The following ASB15 variants were observed in gnomAD, a reference collection of about 807,000 sequenced individuals.
ASB15 encodes the protein ankyrin repeat and SOCS box protein 15.
Under a neutral mutation model 58.0 loss-of-function variants are expected in ASB15, and 54 were observed. That is an observed-to-expected ratio of 0.93 (90% CI 0.75 to 1.17). ASB15 has a LOEUF of 1.17. ASB15 is among the 50% of genes most tolerant of loss of function. The pLI is 0.00. For synonymous variants in ASB15, 249 were observed against 262.4 expected, an observed-to-expected ratio of 0.95 and a Z score of 0.50; for missense variants, 680 against 707.4, an observed-to-expected ratio of 0.96 and a Z score of 0.44.
chr7:123,611,293 A>C (rs115003196), intron 3 of ASB15, among the ~76,000 whole-genome samples: 2,573 of 151,898 alleles, frequency 0.017, 73 homozygotes, highest in African/African-American at 0.059. Flanking sequence ...TTAGATAAAT[A>C]ATTTTTTTTT....
rs758962324 is a variant in ASB15 at position 123,627,226 on chromosome 7, C to T, written c.814C>T (p.Pro272Ser). The T allele has an allele frequency of 1.2e-6, 2 of 1,613,904 alleles. No individual in the cohort carries two copies. The highest frequency in any genetic ancestry group is 1.7e-6 in the Non-Finnish European group (2 of 1,179,894). Residue 272 changes from proline (P) to serine (S), a missense_variant, in exon 9 of 12, where the codon CCT becomes TCT. Transcript: ENST00000451215. ...GGAATATGGAGGAAGCGGAAATGTA[C>T]CTAACCGAGCAGGACATCTTCCTAT... Reference protein sequence around the residue: ...LLEYGGSGNVPNRAGHLPIHR... With the variant: ...LLEYGGSGNVSNRAGHLPIHR...
chr7:123,572,131 C>CTTTTTTT (rs61198371), intron 1 of ASB15, among the ~76,000 whole-genome samples: 3 of 47,994 alleles, frequency 6.3e-5, no homozygotes, highest in African/African-American at 8.8e-5. Context: ...TGTAGAATTT[C>CTTTTTTT]TTTTTTTTTT....
intron 11 of ASB15, among the ~76,000 whole-genome samples, chr7:123,636,044 A>G (rs1226305838): frequency 6.6e-6 from 1 of 152,066 alleles, no homozygotes; most frequent in Admixed American, 6.6e-5. Flanking sequence ...ACCCTACGAG[A>G]TAAGTACTGT....
chr7:123,626,623 T>C (rs1272290122), intron 8 of ASB15, among the ~76,000 whole-genome samples: 2 of 152,202 alleles, frequency 1.3e-5, no homozygotes, highest in Non-Finnish European at 2.9e-5. Flanking sequence ...AAACAAACCA[T>C]GCTGCATGCA....
intron 11 of ASB15, among the ~76,000 whole-genome samples, chr7:123,635,550 G>T (rs1320026991): frequency 3.0e-5 from 4 of 133,116 alleles, no homozygotes; most frequent in South Asian, 2.6e-4. Flanking sequence ...GTCATAGAAA[G>T]AATAGACTTT....
rs191653468 is a variant in ASB15, at chr7:123,602,118, C to T, written c.-245+204C>T. ...AATTTGTTTGCTTATAGAATATCAA[C>T]TCAATTGCATAATTACTAAGCATAA... On this transcript the variant is annotated intron_variant, in intron 1 of 11. Transcript: ENST00000451215. 5.9e-5 allele frequency among the ~76,000 whole-genome samples: 9 copies of T among 152,184 alleles called. No homozygotes were observed. In the East Asian group the frequency reaches 1.5e-3, roughly 26 times the overall value.
chr7:123,594,511 G>A (rs929874430), intron 1 of ASB15, among the ~76,000 whole-genome samples: 5 of 152,148 alleles, frequency 3.3e-5, no homozygotes, highest in Non-Finnish European at 7.4e-5. Context: ...CTTTCTGTTT[G>A]TTAGTTTTCC....
chr7:123,619,214 T>TA (rs1396472358), intron 7 of ASB15, among the ~76,000 whole-genome samples: 3 of 147,892 alleles, frequency 2.0e-5, no homozygotes, highest in Non-Finnish European at 4.5e-5. Context: ...GAAGTCACAT[T>TA]AAGCCAGACG....
intron 7 of ASB15, among the ~76,000 whole-genome samples, chr7:123,621,145 T>C (rs1044797056): frequency 1.3e-5 from 2 of 152,202 alleles, no homozygotes; most frequent in East Asian, 3.9e-4. Flanking sequence ...CAGTAAACAT[T>C]TACATGCATT....
intron 1 of ASB15, among the ~76,000 whole-genome samples, chr7:123,575,311 A>T (rs1799034846): frequency 6.6e-6 from 1 of 151,912 alleles, no homozygotes; most frequent in African/African-American, 2.4e-5. Flanking sequence ...TCTTCCATTG[A>T]TTCTAGTAAA....
At chr7:123,636,375 T>A (rs1802426538) in intron 11 of ASB15, among the ~76,000 whole-genome samples, 1 of 152,222 alleles carries the variant, frequency 6.6e-6, no homozygotes, top group South Asian at 2.1e-4. Context: ...TTATTCATGA[T>A]CTATGGAATC....
chr7:123,620,533 TATATATATATATATATATATA>T lies in ASB15; in HGVS notation c.451+2797_451+2817del, dbSNP rs1175815971. Among the ~76,000 whole-genome samples, 97 of 20,620 alleles carry T rather than the reference TATATATATATATATATATATA, an allele frequency of 4.7e-3. 1 individual carries two copies. Among genetic ancestry groups the T allele is most frequent in the Non-Finnish European group, 5.8e-3 (51 of 8,818 alleles). 13.5% of individuals were successfully genotyped at this position (20,620 alleles called of 152,430 possible). ...ATATATATATATATATATATATATA[TATATATATATATATATATATA>T]TTTTTTTTTTTTTTTTTTTTTTTTT... On this transcript the variant is annotated intron_variant, in intron 7 of 11. Transcript: ENST00000451215.
At chr7:123,610,902 C>T (rs929076300) in intron 3 of ASB15, among the ~76,000 whole-genome samples, 1 of 151,186 alleles carries the variant, frequency 6.6e-6, no homozygotes, top group African/African-American at 2.4e-5. Flanking sequence ...TAGCACATTG[C>T]GGGGGCCCAT....
intron 7 of ASB15, among the ~76,000 whole-genome samples, chr7:123,624,155 A>T (rs562600842): frequency 6.6e-6 from 1 of 152,282 alleles, no homozygotes; most frequent in South Asian, 2.1e-4. Context: ...TAATAATAAT[A>T]GCCAGTTACT....
At chr7:123,613,161 G>A (rs1161633521) in intron 3 of ASB15, among the ~76,000 whole-genome samples, 2 of 152,082 alleles carry the variant, frequency 1.3e-5, no homozygotes, top group African/African-American at 2.4e-5. Flanking sequence ...GAGTTCATGC[G>A]CAGTCTGTCC....
chr7:123,601,203 T>C (rs1025530433), upstream of ASB15, among the ~76,000 whole-genome samples: 1 of 152,178 alleles, frequency 6.6e-6, no homozygotes, highest in African/African-American at 2.4e-5. Flanking sequence ...ATTGGTTTTT[T>C]AAAAGAAAAC....
chr7:123,572,126 A>C (rs1341671156), intron 1 of ASB15, among the ~76,000 whole-genome samples: 1 of 131,076 alleles, frequency 7.6e-6, no homozygotes, highest in Non-Finnish European at 1.6e-5. Context: ...GTGATTGTAG[A>C]ATTTCTTTTT....
chr7:123,580,763 C>T (rs1001728492), intron 1 of ASB15, among the ~76,000 whole-genome samples: 1 of 151,882 alleles, frequency 6.6e-6, no homozygotes, highest in Non-Finnish European at 1.5e-5. Flanking sequence ...CACAACCGTA[C>T]CTGGAAGCCC....
chr7:123,634,929 G>A (rs572957571), intron 11 of ASB15, among the ~76,000 whole-genome samples: 24 of 152,246 alleles, frequency 1.6e-4, no homozygotes, highest in African/African-American at 5.8e-4. Flanking sequence ...TTTGCAAGAA[G>A]TAGAGGAGAC....
Sources: gnomAD v4.1 joint callset for allele counts (sites outside exome capture counted in the v4.1 genomes callset) on GRCh38, gnomAD v4.1.1 for gene constraint, MANE v1.5 for transcripts, NCBI Gene and HGNC (gene_info 2026-07-23, HGNC 2026-07-21) for gene names.